ANKMY1: variants seen among roughly 807,000 people sequenced by gnomAD.
The protein encoded by ANKMY1 is ankyrin repeat and MYND domain-containing protein 1.
ANKMY1 carries 98 observed loss-of-function variants against 102.0 expected under a neutral mutation model. The observed-to-expected ratio is 0.96, with a 90% CI of 0.82 to 1.14. The LOEUF (loss-of-function observed/expected upper bound fraction) is 1.14. ANKMY1 is among the 50% of genes most tolerant of loss of function. ANKMY1 has a pLI of 0.00. For missense variants in ANKMY1, 1,330 were observed against 1,347.6 expected (o/e 0.99, Z 0.20); for synonymous variants, 582 against 559.9 (o/e 1.04, Z -0.56).
In ANKMY1 at chr2:240,506,110, C is replaced by A. The variant is rs2079025105; in HGVS notation, c.2526+1450G>T. Among the ~76,000 whole-genome samples, 1 of 151,950 alleles carries A rather than the reference C, an allele frequency of 6.6e-6. No homozygotes were observed. ...GACGAGGTGCTGGGGAGCCCCCAAC[C>A]CTGGACAAGTCGCTGGGAAGCCCCC... On this transcript the variant is annotated intron_variant, in intron 13 of 17. Coordinates refer to ENST00000401804, the MANE Select transcript of ANKMY1 (RefSeq NM_001282771.3). The surrounding 1 kb of genome is among the most constrained non-coding windows in gnomAD (Gnocchi z 4.9).
downstream of ANKMY1, among the ~76,000 whole-genome samples, chr2:240,474,561 A>G (rs531020571): frequency 9.2e-5 from 14 of 152,216 alleles, no homozygotes; most frequent in African/African-American, 3.4e-4. Context: ...TAATCTCTCC[A>G]ACCTCTTACC....
At chr2:240,530,676 C>A (rs989263745) in intron 4 of ANKMY1, among the ~76,000 whole-genome samples, 2 of 152,144 alleles carry the variant, frequency 1.3e-5, no homozygotes, top group East Asian at 1.9e-4. Flanking sequence ...ATGCTACACA[C>A]CCGCCTGAGC....
Position 240,529,522 on chromosome 2 carries a change from C to A in ANKMY1, c.481-13G>T. ...CTTTGTATAGCCCCTGCCAAGGAAGCGCAATAGACCGAGGAGAGATAACGC... is the reference window on the plus strand; with the variant it reads ...CTTTGTATAGCCCCTGCCAAGGAAGAGCAATAGACCGAGGAGAGATAACGC... On this transcript the variant is annotated splice_polypyrimidine_tract_variant and intron_variant, in intron 4 of 17. Coordinates refer to ENST00000401804, the MANE Select transcript of ANKMY1 (RefSeq NM_001282771.3). The surrounding 1 kb of genome is among the most constrained non-coding windows in gnomAD (Gnocchi z 4.2). 6.3e-7 allele frequency: 1 copy of A among 1,598,828 alleles called. No homozygotes were observed. The highest frequency in any genetic ancestry group is 8.5e-7 in the Non-Finnish European group (1 of 1,171,534).
chr2:240,514,029 C>T (rs564512843), intron 9 of ANKMY1, among the ~76,000 whole-genome samples: 13 of 152,360 alleles, frequency 8.5e-5, no homozygotes, highest in African/African-American at 2.4e-4. Flanking sequence ...CACCAGGAGG[C>T]GCACGGGGCC....
rs761170314 is a variant in ANKMY1, at chr2:240,557,302, C to T, written c.34G>A (p.Asp12Asn). The stretch of plus-strand genomic sequence containing the variant: ...CGGCTGCCAGCCCCAGAGACTTCGT[C>T]CTCTAAGCTAAGGGAGGCATGGGCC... Reference protein sequence around the residue: ...EGAHASLSLEDEVSGAGSRQR... With the variant: ...EGAHASLSLENEVSGAGSRQR... The change falls in exon 2 of 18, where the codon GAC becomes AAC. Residue 12 changes from aspartate (D) to asparagine (N), a missense_variant. Coordinates refer to ENST00000401804, the MANE Select transcript of ANKMY1 (RefSeq NM_001282771.3). The T allele has an allele frequency of 2.5e-6, 4 of 1,588,610 alleles. No homozygotes were observed. Among genetic ancestry groups the T allele is most frequent in the East Asian group, 4.7e-5 (2 of 42,974 alleles).
intron 2 of ANKMY1, 94 bp downstream of exon 2, chr2:240,557,096 T>G (rs189553758): frequency 7.6e-7 from 1 of 1,319,022 alleles, no homozygotes; most frequent in Admixed American, 2.9e-5. Context: ...AGTAACACAG[T>G]TCAGGGATTT....
chr2:240,490,289 TTATC>T (rs1275309967), intron 15 of ANKMY1, among the ~76,000 whole-genome samples: 2 of 152,174 alleles, frequency 1.3e-5, no homozygotes, highest in East Asian at 1.9e-4. Flanking sequence ...GCTCTGATCT[TTATC>T]TATTTTCTTC....
intron 4 of ANKMY1, among the ~76,000 whole-genome samples, chr2:240,548,034 A>C (rs1268184436): frequency 6.6e-6 from 1 of 152,268 alleles, no homozygotes; most frequent in African/African-American, 2.4e-5. Flanking sequence ...TCATCCTGAT[A>C]CCAAAGCCGG....
chr2:240,510,762 C>T (rs2080018520), intron 11 of ANKMY1, among the ~76,000 whole-genome samples: 1 of 148,890 alleles, frequency 6.7e-6, no homozygotes, highest in African/African-American at 2.5e-5. Flanking sequence ...GTCACGCCTG[C>T]AGCACTGAAG....
chr2:240,521,856 G>C (rs544059003), intron 8 of ANKMY1: 3 of 152,258 alleles, frequency 2.0e-5, no homozygotes, highest in African/African-American at 7.2e-5. Flanking sequence ...GTGAGTTCAT[G>C]GTCTCACTGA....
At position 240,499,481 on chromosome 2, in the gene ANKMY1, C is replaced by T. The variant is rs1482143816; in HGVS notation, c.2806+477G>A. ...GGGGTTGAGTACGTGGGTGTGGGTA[C>T]ATGGGGGAGTAGATGTCAGTAGGTA... On this transcript the variant is annotated intron_variant, in intron 15 of 17. Coordinates refer to ENST00000401804, the MANE Select transcript of ANKMY1 (RefSeq NM_001282771.3). The surrounding 1 kb of genome is among the most constrained non-coding windows in gnomAD (Gnocchi z 4.2). Among the ~76,000 whole-genome samples the T allele has an allele frequency of 6.6e-6, 1 of 150,572 alleles. No homozygotes were observed. Among genetic ancestry groups the T allele is most frequent in the Non-Finnish European group, 1.5e-5 (1 of 67,686 alleles).
upstream of ANKMY1, chr2:240,561,045 C>T: frequency 3.3e-6 from 5 of 1,515,728 alleles, no homozygotes; most frequent in Non-Finnish European, 4.4e-6. Flanking sequence ...CCTCATGCGG[C>T]ACCGCGGCCT....
At position 240,499,148 on chromosome 2, in the gene ANKMY1, G is replaced by A. The variant is rs1026737874; in HGVS notation, c.2806+810C>T. On this transcript the variant is annotated intron_variant, in intron 15 of 17. Transcript: ENST00000401804. The surrounding 1 kb of genome is among the most constrained non-coding windows in gnomAD (Gnocchi z 4.2). ...CTGTGTGAGGCTGCAGGAGGCTACT[G>A]CATGCTGAGGGCTCGGTGTGGGGGC... Among the ~76,000 whole-genome samples the A allele has an allele frequency of 6.6e-6, 1 of 152,148 alleles. No homozygotes were observed. Among genetic ancestry groups the A allele is most frequent in the Non-Finnish European group, 1.5e-5 (1 of 68,014 alleles).
upstream of ANKMY1, chr2:240,560,493 C>T (rs1258077517): frequency 4.7e-6 from 4 of 859,330 alleles, no homozygotes; most frequent in East Asian, 3.4e-5. Context: ...CCGGCCCCAA[C>T]GAGACCCAAG....
Position 240,506,778 on chromosome 2 carries a change from G to C in ANKMY1, c.2526+782C>G, listed in dbSNP as rs912544419. Among the ~76,000 whole-genome samples the C allele has an allele frequency of 2.0e-5, 3 of 152,128 alleles. No individual in the cohort carries two copies. Among genetic ancestry groups the C allele is most frequent in the African/African-American group, 7.2e-5 (3 of 41,418 alleles). On this transcript the variant is annotated intron_variant, in intron 13 of 17. Transcript: ENST00000401804. This position sits in a 1 kb window ranked among gnomAD's most constrained non-coding sequence, Gnocchi z 4.9. ...GGACACAGGAAGGGCTGGCATGGGC[G>C]GAGGGCAGCAGGCAGCAGGGCACAG...
At chr2:240,509,176 G>T (rs888952832) in intron 12 of ANKMY1, among the ~76,000 whole-genome samples, 172 bp downstream of exon 12, 1 of 150,436 alleles carries the variant, frequency 6.6e-6, no homozygotes, top group South Asian at 2.1e-4. Flanking sequence ...TGAGTGAATG[G>T]GTAGTTGGGT....
At chr2:240,487,924 G>T (rs1049269612) in intron 15 of ANKMY1, among the ~76,000 whole-genome samples, 1 of 151,970 alleles carries the variant, frequency 6.6e-6, no homozygotes, top group Non-Finnish European at 1.5e-5. Context: ...CATTCACCAG[G>T]TTCTCTTCAC....
Position 240,529,569 on chromosome 2 carries a change from A to G in ANKMY1, c.481-60T>C, listed in dbSNP as rs1366787064. On this transcript the variant is annotated intron_variant, in intron 4 of 17. Transcript: ENST00000401804. This position sits in a 1 kb window ranked among gnomAD's most constrained non-coding sequence, Gnocchi z 4.2. ...ACGCGACCCAGCTGCACATGTGATCATGTTTGTAACGTCAAAAGAAATCCC... is the reference window on the plus strand; with the variant it reads ...ACGCGACCCAGCTGCACATGTGATCGTGTTTGTAACGTCAAAAGAAATCCC... The G allele has an allele frequency of 1.4e-6, 2 of 1,443,550 alleles. No homozygotes were observed. Among genetic ancestry groups the G allele is most frequent in the East Asian group, 2.4e-5 (1 of 41,824 alleles). The allele number at this position is 1,443,550 out of a possible 1,614,324, so 89.4% of individuals were successfully genotyped here. A position where few individuals can be genotyped will look rare whatever the true frequency, so the allele number is the denominator to read the frequency against.
chr2:240,526,405 G>A lies in ANKMY1; in HGVS notation c.994C>T (p.Leu332=). The A allele has an allele frequency of 1.2e-6, 2 of 1,614,180 alleles. No homozygotes were observed. The highest frequency in any genetic ancestry group is 1.7e-6 in the Non-Finnish European group (2 of 1,180,044). Reference sequence around the variant, plus strand: ...GCAAAGCCACTGCGCTTCCCCTCCAGGATGGCGCCCATGTTCCAGCTGGTG... The same window carrying A: ...GCAAAGCCACTGCGCTTCCCCTCCAAGATGGCGCCCATGTTCCAGCTGGTG... The part of the protein sequence containing the change: ...AHTSWNMGAI[L]EGKRSGFAPC... Residue 332 remains leucine (L), a synonymous_variant, in exon 6 of 18, where the codon CTG becomes TTG. Transcript: ENST00000401804.
Sources: gnomAD v4.1 joint callset for allele counts (sites outside exome capture counted in the v4.1 genomes callset) on GRCh38, gnomAD v4.1.1 for gene constraint, Gnocchi (gnomAD v3.1) non-coding constraint, MANE v1.5 for transcripts, NCBI Gene and HGNC (gene_info 2026-07-23, HGNC 2026-07-21) for gene names.